KIAA0586: variants seen among roughly 807,000 people sequenced by gnomAD.
The protein encoded by KIAA0586 is protein TALPID3.
A neutral mutation model predicts 169.8 loss-of-function variants in KIAA0586; 144 were observed. The ratio of observed to expected loss-of-function variants is 0.85; its 90% CI spans 0.74 to 0.97. The LOEUF (loss-of-function observed/expected upper bound fraction) is 0.97. KIAA0586 is among the 50% of genes least tolerant of loss of function. The probability of loss-of-function intolerance (pLI) is 0.00; values close to 1 mark genes in which losing one functional copy is unlikely to be tolerated. For synonymous variants in KIAA0586, 625 were observed against 612.4 expected (o/e 1.02, Z -0.30); for missense variants, 1,854 against 1,823.0 (o/e 1.02, Z -0.31).
chr14:58,443,765 A>G (rs1030752736), intron 5 of KIAA0586, among the ~76,000 whole-genome samples, 189 bp from the exon 6 acceptor site: 1 of 152,062 alleles, frequency 6.6e-6, no homozygotes, highest in Non-Finnish European at 1.5e-5. Context: ...TTACCTAAGG[A>G]TAGCTATCTT....
chr14:58,526,772 A>G (rs545317176), intron 29 of KIAA0586, among the ~76,000 whole-genome samples: 9 of 152,310 alleles, frequency 5.9e-5, no homozygotes, highest in Middle Eastern at 3.4e-3. Flanking sequence ...CTAAAGGAGC[A>G]TGTTCTAACC....
At chr14:58,438,450 A>G (rs1189811890) in intron 4 of KIAA0586, among the ~76,000 whole-genome samples, 1 of 152,170 alleles carries the variant, frequency 6.6e-6, no homozygotes, top group Non-Finnish European at 1.5e-5. Flanking sequence ...TATATTGAGC[A>G]CTTACTACAT....
At chr14:58,486,285 G>A (rs1323332059) in intron 21 of KIAA0586, among the ~76,000 whole-genome samples, 2 of 152,040 alleles carry the variant, frequency 1.3e-5, no homozygotes, top group Non-Finnish European at 2.9e-5. Flanking sequence ...CATGATTTTT[G>A]TTCTTTTTTA....
intron 27 of KIAA0586, among the ~76,000 whole-genome samples, chr14:58,507,269 ATATG>A (rs1324277207): frequency 1.4e-5 from 2 of 145,770 alleles, no homozygotes; most frequent in African/African-American, 5.1e-5. Flanking sequence ...TGATTTATAT[ATATG>A]TATGATTTAT....
At position 58,482,537 on chromosome 14, in the gene KIAA0586, T is replaced by C; in HGVS notation, c.2969T>C (p.Leu990Pro). 6.4e-7 allele frequency: 1 copy of C among 1,554,108 alleles called. No homozygotes were observed. The highest frequency in any genetic ancestry group is 8.7e-7 in the Non-Finnish European group (1 of 1,147,396). Residue 990 changes from leucine (L) to proline (P), a missense_variant, in exon 21 of 31, where the codon CTC becomes CCC. Physicochemically the swap from Leu to Pro is moderately conservative, Grantham distance 98. Transcript: ENST00000652326. ...GTGGAAGGAACAAGCAGTGGCGCCC[T>C]CCAGCTTTTTGTTGATGCTGGTGTT... is the stretch of plus-strand genomic sequence containing the variant. Reference protein sequence around the residue: ...DIVEGTSSGALQLFVDAGVPV... With the variant: ...DIVEGTSSGAPQLFVDAGVPV...
chr14:58,553,919 A>G (rs2047230892), downstream of KIAA0586, among the ~76,000 whole-genome samples: 1 of 152,302 alleles, frequency 6.6e-6, no homozygotes, highest in South Asian at 2.1e-4. Context: ...GCTGGGCTCA[A>G]CTAGGACAAC....
At chr14:58,489,105 G>A (rs985687582) in intron 24 of KIAA0586, among the ~76,000 whole-genome samples, 2 of 152,008 alleles carry the variant, frequency 1.3e-5, no homozygotes, top group Non-Finnish European at 2.9e-5. Flanking sequence ...ATGGTTTGGG[G>A]TAGGCCTTTC....
At chr14:58,488,181 A>G in intron 23 of KIAA0586, 72 bp downstream of exon 23, 1 of 1,176,710 alleles carries the variant, frequency 8.5e-7, no homozygotes. Context: ...CATTGAAAAC[A>G]TAGAAATATT....
At chr14:58,481,693 T>C (rs2042036695) in intron 20 of KIAA0586, among the ~76,000 whole-genome samples, 1 of 152,206 alleles carries the variant, frequency 6.6e-6, no homozygotes, top group Non-Finnish European at 1.5e-5. Context: ...ATATTTGTTA[T>C]GTAAGTTGTC....
At chr14:58,512,417 C>G (rs2044455490) in intron 28 of KIAA0586, 105 bp from the exon 29 acceptor site, 3 of 606,828 alleles carry the variant, frequency 4.9e-6, no homozygotes, top group Non-Finnish European at 8.2e-6. Flanking sequence ...AACTAGAAAG[C>G]AAGCATATTA....
the KIAA0586 span, among the ~76,000 whole-genome samples, chr14:58,557,008 G>T: frequency 1.3e-5 from 2 of 152,204 alleles, no homozygotes; most frequent in African/African-American, 4.8e-5. Context: ...GCCTCCCAAA[G>T]TGCTGGGATT....
rs1382423678 is a variant in KIAA0586 at position 58,430,735 on chromosome 14, A to G, written c.340+18A>G. ...GCAAAAAGGTAAAAGAATAATATTGATTTTTTTAAATTGTGACAACATATA... is the reference window on the plus strand; with the variant it reads ...GCAAAAAGGTAAAAGAATAATATTGGTTTTTTTAAATTGTGACAACATATA... On this transcript the variant is annotated intron_variant, in intron 3 of 30. Coordinates refer to ENST00000652326, the MANE Select transcript of KIAA0586 (RefSeq NM_001329943.3). 1 of 1,426,800 alleles carries G rather than the reference A, an allele frequency of 7.0e-7. No homozygotes were observed. The allele number at this position is 1,426,800 out of a possible 1,614,324, so 88.4% of individuals were successfully genotyped here.
downstream of KIAA0586, among the ~76,000 whole-genome samples, chr14:58,554,513 G>T (rs73295846): frequency 0.11 from 15,989 of 152,074 alleles, 1,183 homozygotes; most frequent in African/African-American, 0.2. Context: ...AATAGTTCTT[G>T]GTAGAGTTAT....
intron 16 of KIAA0586, among the ~76,000 whole-genome samples, chr14:58,469,268 G>A (rs1436492271): frequency 6.6e-6 from 1 of 152,186 alleles, no homozygotes; most frequent in Non-Finnish European, 1.5e-5. Flanking sequence ...TGGATCTCAG[G>A]AATATTCCCG....
Position 58,550,383 on chromosome 14 carries a change from T to C in KIAA0586, c.*2451T>C, listed in dbSNP as rs1031355634. On this transcript the variant is annotated 3_prime_UTR_variant, in exon 31 of 31. Transcript: ENST00000652326. ...CTCTGCCAACCACTTCAGATTCTTT[T>C]GGAATAAGACGATGTACGTAAAAAC... The C allele has an allele frequency of 1.6e-4, 25 of 152,352 alleles. No homozygotes were observed. The highest frequency in any genetic ancestry group is 5.8e-4 in the African/African-American group (24 of 41,590). 9.4% of individuals were successfully genotyped at this position (152,352 alleles called of 1,614,324 possible). A position where few individuals can be genotyped will look rare whatever the true frequency, so the allele number is the denominator to read the frequency against.
chr14:58,538,326 A>G (rs2046427584), intron 29 of KIAA0586, among the ~76,000 whole-genome samples: 1 of 152,206 alleles, frequency 6.6e-6, no homozygotes, highest in African/African-American at 2.4e-5. Context: ...ATCTCCAGTG[A>G]GAATGTATTG....
At chr14:58,561,226 GCA>G in the KIAA0586 span, among the ~76,000 whole-genome samples, 1 of 152,192 alleles carries the variant, frequency 6.6e-6, no homozygotes, top group South Asian at 2.1e-4. Context: ...CTCTTCTGAA[GCA>G]CAGTCAATAA....
chr14:58,446,108 G>T (rs962978386), intron 6 of KIAA0586, among the ~76,000 whole-genome samples: 10 of 151,804 alleles, frequency 6.6e-5, no homozygotes, highest in Non-Finnish European at 1.5e-4. Flanking sequence ...GACCTCAGGT[G>T]ATCCGCCTGC....
At chr14:58,461,335 T>A (rs1460133162) in intron 14 of KIAA0586, among the ~76,000 whole-genome samples, 175 bp downstream of exon 14, 1 of 152,154 alleles carries the variant, frequency 6.6e-6, no homozygotes, top group African/African-American at 2.4e-5. Flanking sequence ...ACCAACATTT[T>A]AAAAAAGACA....
Sources: allele counts gnomAD v4.1 joint callset (sites outside exome capture counted in the v4.1 genomes callset), GRCh38; gene constraint gnomAD v4.1.1; transcripts MANE v1.5; gene names NCBI Gene and HGNC (gene_info 2026-07-23, HGNC 2026-07-21).